C16orf78: variants seen among roughly 807,000 people sequenced by gnomAD.
The protein encoded by C16orf78 is uncharacterized protein C16orf78.
In C16orf78, 19 loss-of-function variants were observed where a neutral mutation model predicts 27.3. The observed-to-expected ratio is 0.70, with a 90% CI of 0.49 to 1.02. C16orf78 has a LOEUF of 1.02. C16orf78 is among the 50% of genes least tolerant of loss of function. The pLI is 0.00. For missense variants in C16orf78, 339 were observed against 337.0 expected, an observed-to-expected ratio of 1.01 and a Z score of -0.05; for synonymous variants, 130 against 116.1, an observed-to-expected ratio of 1.12 and a Z score of -0.77.
At chr16:49,397,410 T>C (rs567735163) in intron 4 of C16orf78, among the ~76,000 whole-genome samples, 1 of 152,362 alleles carries the variant, frequency 6.6e-6, no homozygotes, top group South Asian at 2.1e-4. Flanking sequence ...AGGTTTAAGA[T>C]GGCCTCAAAT....
At chr16:49,376,292 G>A (rs1178797215) in intron 1 of C16orf78, among the ~76,000 whole-genome samples, 1 of 152,220 alleles carries the variant, frequency 6.6e-6, no homozygotes, top group African/African-American at 2.4e-5. Flanking sequence ...GACCCCTGAG[G>A]TCTGAAGTCT....
In C16orf78 at chr16:49,399,054, T is replaced by C. The variant is rs1965509014; in HGVS notation, c.651-77T>C. The C allele has an allele frequency of 7.3e-6, 11 of 1,503,868 alleles. No homozygotes were observed. The Admixed American group carries it at 1.9e-4, about 27-fold the overall frequency. The allele number at this position is 1,503,868 out of a possible 1,614,324, so 93.2% of individuals were successfully genotyped here. A position where few individuals can be genotyped will look rare whatever the true frequency, so the allele number is the denominator to read the frequency against. On this transcript the variant is annotated intron_variant, in intron 4 of 4. Transcript: ENST00000299191. ...GCACCCACACTTACTGCTGCTCAAATCTAAGCTCTTTTCAATAAAGTTAGA... is the reference window on the plus strand; with the variant it reads ...GCACCCACACTTACTGCTGCTCAAACCTAAGCTCTTTTCAATAAAGTTAGA...
intron 3 of C16orf78, among the ~76,000 whole-genome samples, chr16:49,384,076 C>T (rs550353352): frequency 3.3e-5 from 5 of 152,014 alleles, no homozygotes; most frequent in Non-Finnish European, 5.9e-5. Context: ...AGGCCAGGCA[C>T]GGTGGCTCAC....
chr16:49,381,551 C>G (rs1965287698), intron 3 of C16orf78, among the ~76,000 whole-genome samples: 1 of 151,978 alleles, frequency 6.6e-6, no homozygotes, highest in Non-Finnish European at 1.5e-5. Context: ...CTACAATGAA[C>G]TCAAACAAAT....
chr16:49,387,715 T>C (rs1473617542), intron 3 of C16orf78, among the ~76,000 whole-genome samples: 1 of 152,208 alleles, frequency 6.6e-6, no homozygotes, highest in Non-Finnish European at 1.5e-5. Context: ...GGTAGGTTAA[T>C]TACTGATTCA....
intron 3 of C16orf78, among the ~76,000 whole-genome samples, chr16:49,385,007 C>A (rs117943485): frequency 1.7e-4 from 26 of 152,212 alleles, no homozygotes; most frequent in Non-Finnish European, 3.2e-4. Flanking sequence ...TTTTCATCAC[C>A]ATTGAACCTG....
intron 3 of C16orf78, among the ~76,000 whole-genome samples, chr16:49,379,421 A>G (rs1965261650): frequency 2.0e-5 from 3 of 151,776 alleles, no homozygotes; most frequent in African/African-American, 7.3e-5. Context: ...AGAAAAGTGC[A>G]CAGGAGTCTT....
At chr16:49,390,357 T>C (rs149204) in intron 3 of C16orf78, among the ~76,000 whole-genome samples, 48,044 of 152,034 alleles carry the variant, frequency 0.32, 11,156 homozygotes, top group African/African-American at 0.66. Flanking sequence ...TCAGGCACCC[T>C]GATTACACAT....
Position 49,399,290 on chromosome 16 carries a change from C to A in C16orf78, c.*12C>A. ...GCATGGCCCTCTAAATAGCTCCTCT[C>A]GCCACCACCTTCAGGCTCCTTCTGT... On this transcript the variant is annotated 3_prime_UTR_variant, in exon 5 of 5. Coordinates refer to ENST00000299191, the MANE Select transcript of C16orf78 (RefSeq NM_144602.4). 1.9e-6 allele frequency: 3 copies of A among 1,613,518 alleles called. No homozygotes were observed. Among genetic ancestry groups the A allele is most frequent in the South Asian group, 1.1e-5 (1 of 90,958 alleles).
intron 3 of C16orf78, among the ~76,000 whole-genome samples, chr16:49,382,689 A>C (rs1398402900): frequency 6.6e-6 from 1 of 152,232 alleles, no homozygotes; most frequent in East Asian, 1.9e-4. Flanking sequence ...CGAATCATGC[A>C]CTTGTGTGAG....
At chr16:49,382,837 C>T (rs778791297) in intron 3 of C16orf78, among the ~76,000 whole-genome samples, 4 of 152,236 alleles carry the variant, frequency 2.6e-5, no homozygotes, top group Non-Finnish European at 5.9e-5. Flanking sequence ...CTCCACCTAA[C>T]ACTTTCCCAT....
intron 4 of C16orf78, 89 bp from the exon 5 acceptor site, chr16:49,399,042 C>T: frequency 7.1e-7 from 1 of 1,414,600 alleles, no homozygotes; most frequent in South Asian, 1.3e-5. Context: ...CCCACACTTA[C>T]TGCTGCTCAA....
At chr16:49,380,892 C>G (rs1453438386) in intron 3 of C16orf78, among the ~76,000 whole-genome samples, 1 of 150,134 alleles carries the variant, frequency 6.7e-6, no homozygotes, top group Non-Finnish European at 1.5e-5. Flanking sequence ...AATAGGGAAT[C>G]CTTTCCCCAT....
chr16:49,376,804 C>T (rs1965224465), intron 1 of C16orf78, among the ~76,000 whole-genome samples: 1 of 152,168 alleles, frequency 6.6e-6, no homozygotes, highest in Non-Finnish European at 1.5e-5. Context: ...GACAAGGAAA[C>T]TAAGCCACAG....
rs761471777 is a variant in C16orf78, at chr16:49,396,450, C to T, written c.422C>T (p.Pro141Leu). ...ACAGACATCAAGGATGCAGTCGACC[C>T]AGAGTCCACTCAGCGGCCAAACCCA... ...SDTDIKDAVD[P>L]ESTQRPNPFR... The change falls in exon 4 of 5, where the codon CCA becomes CTA. Residue 141 changes from proline (P) to leucine (L), a missense_variant. Coordinates refer to ENST00000299191, the MANE Select transcript of C16orf78 (RefSeq NM_144602.4). 3 of 1,614,038 alleles carry T rather than the reference C, an allele frequency of 1.9e-6. No homozygotes were observed. The highest frequency in any genetic ancestry group is 2.7e-5 in the African/African-American group (2 of 74,908).
intron 3 of C16orf78, 93 bp from the exon 4 acceptor site, chr16:49,396,330 C>A: frequency 7.1e-7 from 1 of 1,404,682 alleles, no homozygotes; most frequent in East Asian, 2.3e-5. Flanking sequence ...GTTTGAAGTC[C>A]ATGCATTCCT....
At chr16:49,387,940 T>A (rs1965369500) in intron 3 of C16orf78, among the ~76,000 whole-genome samples, 1 of 152,160 alleles carries the variant, frequency 6.6e-6, no homozygotes, top group African/African-American at 2.4e-5. Flanking sequence ...GGATCCTGTC[T>A]CTTTTCTTCT....
Position 49,399,110 on chromosome 16 carries a change from CT to C in C16orf78, c.651-17del. ...CTGTGACTCCACCTTCAACTGACCT[CT>C]TTTGCCTTCTCTTGAACAGATACCT... On this transcript the variant is annotated intron_variant, in intron 4 of 4. Transcript: ENST00000299191. 1.2e-6 allele frequency: 2 copies of C among 1,612,292 alleles called. No homozygotes were observed. The highest frequency in any genetic ancestry group is 1.7e-6 in the Non-Finnish European group (2 of 1,178,986).
chr16:49,381,828 A>C (rs566925652), intron 3 of C16orf78, among the ~76,000 whole-genome samples: 4 of 152,194 alleles, frequency 2.6e-5, no homozygotes, highest in Non-Finnish European at 5.9e-5. Flanking sequence ...ACTGTAAACT[A>C]GTCCAACCAT....
Sources: allele counts gnomAD v4.1 joint callset (sites outside exome capture counted in the v4.1 genomes callset), GRCh38; gene constraint gnomAD v4.1.1; transcripts MANE v1.5; gene names NCBI Gene and HGNC (gene_info 2026-07-23, HGNC 2026-07-21).